The following STRN variants were observed in gnomAD, a reference collection of about 807,000 sequenced individuals.
STRN encodes striatin, also known as protein phosphatase 2 regulatory subunit B'''alpha.
A neutral mutation model predicts 96.3 loss-of-function variants in STRN; 53 were observed. The observed-to-expected ratio is 0.55, with a 90% CI of 0.44 to 0.69. STRN has a LOEUF of 0.69. Ranked by LOEUF, STRN falls within the 30% of genes least tolerant of loss-of-function variation. The pLI, the probability that STRN is intolerant of heterozygous loss-of-function variation, is 0.00. For synonymous variants in STRN, 428 were observed against 355.9 expected (o/e 1.20, Z -2.28); for missense variants, 987 against 963.9 (o/e 1.02, Z -0.32).
intron 2 of STRN, among the ~76,000 whole-genome samples, chr2:36,919,122 G>A (rs1361790858): frequency 1.3e-5 from 2 of 152,124 alleles, no homozygotes; most frequent in African/African-American, 4.8e-5. Context: ...AAAATAATTT[G>A]ATTAATTTCA....
At position 36,859,039 on chromosome 2, in the gene STRN, C is replaced by G. The variant is rs1045265149; in HGVS notation, c.1670-1016G>C. Among the ~76,000 whole-genome samples, 4 of 152,228 alleles carry G rather than the reference C, an allele frequency of 2.6e-5. No individual in the cohort carries two copies. The South Asian group carries it at 8.3e-4, about 32-fold the overall frequency. On this transcript the variant is annotated intron_variant, in intron 13 of 17. Transcript: ENST00000263918. ...ATGAAAAAAGAAACAGCATGATATG[C>G]AAGTAAATGTATAAGCAATTCAGTA...
intron 7 of STRN, among the ~76,000 whole-genome samples, chr2:36,888,774 G>A (rs1669310629): frequency 6.6e-6 from 1 of 151,886 alleles, no homozygotes. Context: ...TTGACCTCCT[G>A]GGCTGAAGCG....
intron 1 of STRN, among the ~76,000 whole-genome samples, chr2:36,934,331 G>A (rs1365963491): frequency 6.6e-6 from 1 of 152,126 alleles, no homozygotes; most frequent in Non-Finnish European, 1.5e-5. Flanking sequence ...AGTTGAAAAG[G>A]ATATTAACTT....
At chr2:36,876,360 G>C (rs192577481) in intron 10 of STRN, among the ~76,000 whole-genome samples, 7 of 152,018 alleles carry the variant, frequency 4.6e-5, no homozygotes, top group Non-Finnish European at 1.0e-4. Flanking sequence ...GATGGTTATT[G>C]TAGTAGCTCT....
chr2:36,938,429 T>TAA (rs1317648334), intron 1 of STRN, among the ~76,000 whole-genome samples: 9 of 137,660 alleles, frequency 6.5e-5, no homozygotes, highest in Admixed American at 1.5e-4. Context: ...CTGTCTCAAT[T>TAA]AAAAAAAAAA....
intron 3 of STRN, among the ~76,000 whole-genome samples, chr2:36,910,388 AAAT>A (rs1669936270): frequency 6.6e-6 from 1 of 152,200 alleles, no homozygotes; most frequent in Non-Finnish European, 1.5e-5. Flanking sequence ...TGCTGGAAAA[AAAT>A]AACAATGGAG....
chr2:36,868,779 T>A (rs1668692730), intron 11 of STRN, among the ~76,000 whole-genome samples: 1 of 152,146 alleles, frequency 6.6e-6, no homozygotes, highest in African/African-American at 2.4e-5. Flanking sequence ...TAGTAAAATT[T>A]TTGTAACCTC....
rs541751920 is a variant in STRN at position 36,931,127 on chromosome 2, G to T, written c.235-5919C>A. 2.0e-5 allele frequency among the ~76,000 whole-genome samples: 3 copies of T among 151,882 alleles called. No homozygotes were observed. The South Asian group carries it at 6.2e-4, about 32-fold the overall frequency. On this transcript the variant is annotated intron_variant, in intron 1 of 17. Transcript: ENST00000263918. ...TGAGATTACAGGTGTGAGCTATCGCGTCCAGCCCCAGAACCCTACCCTTTT... is the reference window on the plus strand; with the variant it reads ...TGAGATTACAGGTGTGAGCTATCGCTTCCAGCCCCAGAACCCTACCCTTTT...
rs1669472354 is a variant in STRN, at chr2:36,893,996, T to C, written c.833A>G (p.Asp278Gly). ...RKKALPDSGE[D>G]RDTKEALKEF... ...CTTTAGAGCTTCTTTTGTATCTCGA[T>C]CTTCACCGCTGTCAGGCAATGCTTT... Residue 278 changes from aspartate (D) to glycine (G), a missense_variant, in exon 7 of 18, where the codon GAT becomes GGT. Physicochemically the swap from Asp to Gly is moderately conservative, Grantham distance 94. Transcript: ENST00000263918. 2 of 1,613,496 alleles carry C rather than the reference T, an allele frequency of 1.2e-6. No individual in the cohort carries two copies. Among genetic ancestry groups the C allele is most frequent in the South Asian group, 1.1e-5 (1 of 90,986 alleles).
Position 36,838,148 on chromosome 2 carries a change from T to C in STRN, c.*11308A>G, listed in dbSNP as rs72785066. Among the ~76,000 whole-genome samples the C allele has an allele frequency of 0.071, 10,757 of 152,242 alleles. 535 individuals are homozygous for C. Among genetic ancestry groups the C allele is most frequent in the Non-Finnish European group, 0.11 (7,589 of 68,008 alleles). ...TAGAAGTAGAGTCAAAGTATAAAAA[T>C]AATTTGATGCACCCTGGCAAGCTTT... On this transcript the variant is annotated 3_prime_UTR_variant, in exon 18 of 18. Coordinates refer to ENST00000263918, the MANE Select transcript of STRN (RefSeq NM_003162.4).
At chr2:36,858,123 C>T (rs1004615573) in intron 13 of STRN, 100 bp from the exon 14 acceptor site, 14 of 900,870 alleles carry the variant, frequency 1.6e-5, no homozygotes, top group Non-Finnish European at 2.2e-5. Flanking sequence ...CACCTGATAA[C>T]AGTATAAAAT....
chr2:36,897,442 T>C (rs1669571503), intron 6 of STRN, among the ~76,000 whole-genome samples: 1 of 147,688 alleles, frequency 6.8e-6, no homozygotes, highest in Non-Finnish European at 1.5e-5. Context: ...AAAATATATA[T>C]ATATTTTTTT....
chr2:36,894,891 A>G (rs769449245), intron 6 of STRN, among the ~76,000 whole-genome samples: 1 of 152,164 alleles, frequency 6.6e-6, no homozygotes, highest in Non-Finnish European at 1.5e-5. Context: ...TCATTCATCA[A>G]TCACAGCATT....
At chr2:36,946,816 T>C (rs1670997261) in intron 1 of STRN, among the ~76,000 whole-genome samples, 1 of 152,248 alleles carries the variant, frequency 6.6e-6, no homozygotes, top group Admixed American at 6.5e-5. Flanking sequence ...CTGTTTCTTT[T>C]TTGTAAAAAA....
At chr2:36,937,404 C>G (rs1021682576) in intron 1 of STRN, among the ~76,000 whole-genome samples, 3 of 151,220 alleles carry the variant, frequency 2.0e-5, no homozygotes, top group Non-Finnish European at 4.4e-5. Context: ...CATAATGGCT[C>G]AAGCCTGTAA....
chr2:36,894,072 T>C lies in STRN; in HGVS notation c.796-39A>G, dbSNP rs979579891. On this transcript the variant is annotated intron_variant, in intron 6 of 17. Transcript: ENST00000263918. ...ATGCTAAATTAAATAAAGGAGATAG[T>C]TTCCCTTTACCACTGAATAAGAAAA... is the stretch of plus-strand genomic sequence containing the variant. 72 of 1,591,768 alleles carry C rather than the reference T, an allele frequency of 4.5e-5. No homozygotes were observed. In the Admixed American group the frequency reaches 4.7e-4, roughly 10 times the overall value.
At chr2:36,855,169 G>C (rs1417455855) in intron 15 of STRN, 43 bp downstream of exon 15, 1 of 1,594,028 alleles carries the variant, frequency 6.3e-7, no homozygotes, top group Non-Finnish European at 8.6e-7. Flanking sequence ...TTTTGATTAA[G>C]TTAAAAAAAT....
intron 7 of STRN, among the ~76,000 whole-genome samples, chr2:36,890,761 G>A (rs1669375615): frequency 6.6e-6 from 1 of 152,118 alleles, no homozygotes; most frequent in Admixed American, 6.5e-5. Context: ...TGGGATTACA[G>A]GCGTGAGCCA....
intron 10 of STRN, among the ~76,000 whole-genome samples, chr2:36,870,816 T>C (rs1420573205): frequency 1.3e-5 from 2 of 152,194 alleles, no homozygotes; most frequent in Non-Finnish European, 2.9e-5. Context: ...GAAGGCACTG[T>C]TATCACAAAA....
Sources: allele counts gnomAD v4.1 joint callset (sites outside exome capture counted in the v4.1 genomes callset), GRCh38; gene constraint gnomAD v4.1.1; transcripts MANE v1.5; gene names NCBI Gene and HGNC (gene_info 2026-07-23, HGNC 2026-07-21).